FBXL12: variants seen among roughly 807,000 people sequenced by gnomAD.
The protein encoded by FBXL12 is F-box/LRR-repeat protein 12.
Under a neutral mutation model 24.9 loss-of-function variants are expected in FBXL12, and 22 were observed. The ratio of observed to expected loss-of-function variants is 0.88; its 90% CI spans 0.63 to 1.26. The LOEUF is 1.26. Among genes scored for constraint, FBXL12 ranks in the 50% most tolerant of loss-of-function variants. FBXL12 has a pLI of 0.00. For missense variants in FBXL12, 384 were observed against 434.1 expected, an observed-to-expected ratio of 0.88 and a Z score of 1.03; for synonymous variants, 193 against 193.8, an observed-to-expected ratio of 1.00 and a Z score of 0.03.
Position 9,811,577 on chromosome 19 carries a change from C to G in FBXL12, c.300G>C (p.Lys100Asn). The change falls in exon 3 of 3, where the codon AAG (lysine) becomes AAC (asparagine). Residue 100 changes from lysine to asparagine, a missense_variant. By Grantham distance (94) the Lys-to-Asn change is moderately conservative (BLOSUM62 0). Transcript: ENST00000247977. The surrounding 1 kb of genome is among the most constrained non-coding windows in gnomAD (Gnocchi z 6.0). The part of the protein sequence containing the change: ...SPALLRALGQ[K>N]CPNLKRLCLH... ...GGCAGAGGCGCTTCAGGTTGGGGCA[C>G]TTCTGGCCCAGGGCTCTCAACAGAG... 1.3e-6 allele frequency: 2 copies of G among 1,589,562 alleles called. No individual in the cohort carries two copies. The highest frequency in any genetic ancestry group is 1.1e-5 in the South Asian group (1 of 87,350).
At chr19:9,814,024 CT>C (rs1466167987) in intron 2 of FBXL12, 1 of 152,224 alleles carries the variant, frequency 6.6e-6, no homozygotes, top group African/African-American at 2.4e-5. Context: ...TTACATTTGC[CT>C]TTTATACATG....
chr19:9,818,487 T>G lies in FBXL12; in HGVS notation c.159+58A>C, dbSNP rs1599433376. On this transcript the variant is annotated intron_variant, in intron 2 of 2. Transcript: ENST00000247977. ...CACAGTCCCAGGGTGGGAGAGGTGG[T>G]CTTCGGGGTCCGGGCACCGCGACCG... is the stretch of plus-strand genomic sequence containing the variant. 8 of 1,507,988 alleles carry G rather than the reference T, an allele frequency of 5.3e-6. No homozygotes were observed. In the East Asian group the frequency reaches 2.0e-4, roughly 37 times the overall value. The allele number at this position is 1,507,988 out of a possible 1,614,324, so 93.4% of individuals were successfully genotyped here. A position where few individuals can be genotyped will look rare whatever the true frequency, so the allele number is the denominator to read the frequency against.
chr19:9,818,982 T>TG lies in FBXL12; in HGVS notation c.-170dup, dbSNP rs1464170964. 1.5e-6 allele frequency: 1 copy of TG among 650,776 alleles called. No homozygotes were observed. The highest frequency in any genetic ancestry group is 1.8e-5 in the African/African-American group (1 of 54,642). 40.3% of individuals were successfully genotyped at this position (650,776 alleles called of 1,614,324 possible). On this transcript the variant is annotated 5_prime_UTR_variant, in exon 1 of 3. Transcript: ENST00000247977. ...GTCCCAGGGCCGGACCAGCCGCGGA[T>TG]GGGGACCAGAAACCAGCCTGGAAAG...
At chr19:9,814,220 G>GA (rs2045827677) in intron 2 of FBXL12, 1 of 161,420 alleles carries the variant, frequency 6.2e-6, no homozygotes, top group Non-Finnish European at 1.3e-5. Context: ...GAGAAAATGA[G>GA]AAAGAAGCCC....
intron 2 of FBXL12, chr19:9,813,358 G>A (rs2045803913): frequency 7.5e-6 from 7 of 938,680 alleles, no homozygotes; most frequent in Non-Finnish European, 8.3e-6. Flanking sequence ...TTTTTTTTGA[G>A]ACGGAGTTTT....
chr19:9,810,892 G>T lies in FBXL12; in HGVS notation c.*4C>A, dbSNP rs2045726663. The T allele has an allele frequency of 3.8e-6, 6 of 1,569,266 alleles. No homozygotes were observed. Among genetic ancestry groups the T allele is most frequent in the Non-Finnish European group, 5.2e-6 (6 of 1,148,158 alleles). Reference sequence around the variant, plus strand: ...GGGATGGGTCCCAAGGGCAGGTGGAGTAGTTACATCCACCAGTCCATAGAC... The same window carrying T: ...GGGATGGGTCCCAAGGGCAGGTGGATTAGTTACATCCACCAGTCCATAGAC... On this transcript the variant is annotated 3_prime_UTR_variant, in exon 3 of 3. Coordinates refer to ENST00000247977, the MANE Select transcript of FBXL12 (RefSeq NM_017703.3).
chr19:9,813,369 G>T (rs1405677101), intron 2 of FBXL12: 2 of 799,978 alleles, frequency 2.5e-6, no homozygotes, highest in Non-Finnish European at 3.3e-6. Context: ...ACGGAGTTTT[G>T]CTTGTTGCCC....
In FBXL12 at chr19:9,811,188, A is replaced by C. The variant is rs1216214994; in HGVS notation, c.689T>G (p.Val230Gly). ...CCTCACGGTCAGCCGGATCTTGCGC[A>C]CATCTCGGAGGTGGCGGCTGATGGC... ...LLAISRHLRD[V>G]RKIRLTVRGL... Residue 230 changes from valine to glycine, a missense_variant, in exon 3 of 3, where the codon GTG becomes GGG. Val to Gly is a moderately radical substitution (Grantham distance 109). Transcript: ENST00000247977. This position sits in a 1 kb window ranked among gnomAD's most constrained non-coding sequence, Gnocchi z 6.0. 1 of 1,610,980 alleles carries C rather than the reference A, an allele frequency of 6.2e-7. No individual in the cohort carries two copies. Among genetic ancestry groups the C allele is most frequent in the Admixed American group, 1.7e-5 (1 of 59,876 alleles).
Position 9,810,736 on chromosome 19 carries a change from C to G in FBXL12, c.*160G>C, listed in dbSNP as rs1173049352. ...TGACCAAGGCCACACAGCTGGCAAA[C>G]AGTGATTCCAATGGTCTGGAGGTCC... is the stretch of plus-strand genomic sequence containing the variant. On this transcript the variant is annotated 3_prime_UTR_variant, in exon 3 of 3. Transcript: ENST00000247977. The G allele has an allele frequency of 3.6e-6, 2 of 549,716 alleles. No individual in the cohort carries two copies. The highest frequency in any genetic ancestry group is 9.9e-4 in the Middle Eastern group (2 of 2,012). The allele number at this position is 549,716 out of a possible 1,614,324, so 34.1% of individuals were successfully genotyped here. A position where few individuals can be genotyped will look rare whatever the true frequency, so the allele number is the denominator to read the frequency against.
chr19:9,812,768 A>C (rs1333025288), intron 2 of FBXL12, among the ~76,000 whole-genome samples: 1 of 150,802 alleles, frequency 6.6e-6, no homozygotes, highest in Non-Finnish European at 1.5e-5. Context: ...TTAAAAAAAA[A>C]AAAAAAAAAA....
intron 2 of FBXL12, 162 bp downstream of exon 2, chr19:9,818,383 C>T: frequency 1.4e-6 from 1 of 717,188 alleles, no homozygotes; most frequent in Non-Finnish European, 2.3e-6. Flanking sequence ...GCCCTGAGGT[C>T]GAAGAGGAGC....
rs866154892 is a variant in FBXL12 at position 9,811,203 on chromosome 19, C to T, written c.674G>A (p.Arg225His). The T allele has an allele frequency of 2.5e-6, 4 of 1,612,994 alleles. No homozygotes were observed. The highest frequency in any genetic ancestry group is 3.4e-6 in the Non-Finnish European group (4 of 1,179,452). The part of the protein sequence containing the change: ...SADSTLLAIS[R>H]HLRDVRKIRL... ...GATCTTGCGCACATCTCGGAGGTGG[C>T]GGCTGATGGCCAGCAGGGTGCTGTC... Residue 225 changes from arginine (R) to histidine (H), a missense_variant, in exon 3 of 3, where the codon CGC becomes CAC. Transcript: ENST00000247977. This position sits in a 1 kb window ranked among gnomAD's most constrained non-coding sequence, Gnocchi z 6.0.
intron 2 of FBXL12, 32 bp downstream of exon 2, chr19:9,818,513 C>A (rs1055805834): frequency 1.3e-6 from 2 of 1,532,828 alleles, no homozygotes; most frequent in Admixed American, 3.9e-5. Context: ...ACCGCGACCG[C>A]GGCCCAGGCC....
Position 9,818,829 on chromosome 19 carries a change from C to G in FBXL12, c.-16G>C, listed in dbSNP as rs1042604302. 3 of 1,546,880 alleles carry G rather than the reference C, an allele frequency of 1.9e-6. No individual in the cohort carries two copies. Among genetic ancestry groups the G allele is most frequent in the Admixed American group, 2.0e-5 (1 of 50,888 alleles). ...AAGTCGCCATGATCCCGCCGACACG[C>G]ACTTCCGCTTCCGGTTAAAGAGACC... On this transcript the variant is annotated 5_prime_UTR_variant, in exon 1 of 3. Transcript: ENST00000247977.
chr19:9,815,448 G>A (rs150239935), intron 2 of FBXL12, among the ~76,000 whole-genome samples: 1,726 of 152,228 alleles, frequency 0.011, 24 homozygotes, highest in African/African-American at 0.039. Flanking sequence ...TCTGGAGTCT[G>A]GAGAACAGTG....
At position 9,818,796 on chromosome 19, in the gene FBXL12, T is replaced by A. The variant is rs775521475; in HGVS notation, c.18A>T (p.Glu6Asp). Reference protein sequence around the residue: MATLVELPDSVLLEIF... With the variant: MATLVDLPDSVLLEIF... ...TCTCGAGCAGGACCGAGTCCGGCAGTTCGACCAAAGTCGCCATGATCCCGC... is the reference window on the plus strand; with the variant it reads ...TCTCGAGCAGGACCGAGTCCGGCAGATCGACCAAAGTCGCCATGATCCCGC... Residue 6 changes from glutamate (E) to aspartate (D), a missense_variant, in exon 1 of 3, where the codon GAA becomes GAT. Glu to Asp is a conservative substitution (Grantham distance 45, BLOSUM62 2). Coordinates refer to ENST00000247977, the MANE Select transcript of FBXL12 (RefSeq NM_017703.3). 1 of 1,553,586 alleles carries A rather than the reference T, an allele frequency of 6.4e-7. No individual in the cohort carries two copies. The highest frequency in any genetic ancestry group is 1.2e-5 in the South Asian group (1 of 84,488).
chr19:9,813,483 G>T, intron 2 of FBXL12: 1 of 291,200 alleles, frequency 3.4e-6, no homozygotes. Flanking sequence ...TTACAGGCAT[G>T]TGCCACCATG....
At position 9,811,608 on chromosome 19, in the gene FBXL12, G is replaced by A. The variant is rs2145365094; in HGVS notation, c.269C>T (p.Ser90Phe). Residue 90 changes from serine to phenylalanine, a missense_variant, in exon 3 of 3, where the codon TCC becomes TTC. Physicochemically the swap from Ser to Phe is radical, Grantham distance 155. Coordinates refer to ENST00000247977, the MANE Select transcript of FBXL12 (RefSeq NM_017703.3). This position sits in a 1 kb window ranked among gnomAD's most constrained non-coding sequence, Gnocchi z 6.0. ...LFSGSQAPQLSPALLRALGQK... is the reference protein window; with the variant it reads ...LFSGSQAPQLFPALLRALGQK... The stretch of plus-strand genomic sequence containing the variant: ...GCCCAGGGCTCTCAACAGAGCAGGG[G>A]ACAACTGGGGGGCCTGGGAGCCAGA... 1.3e-6 allele frequency: 2 copies of A among 1,544,180 alleles called. No individual in the cohort carries two copies. The highest frequency in any genetic ancestry group is 1.8e-4 in the Middle Eastern group (1 of 5,690).
Position 9,818,745 on chromosome 19 carries a change from G to C in FBXL12, c.69C>G (p.Asp23Glu), listed in dbSNP as rs1441306394. Residue 23 changes from aspartate to glutamate, a missense_variant, in exon 1 of 3, where the codon GAC (aspartate) becomes GAG (glutamate). Physicochemically the swap from Asp to Glu is conservative, Grantham distance 45. Transcript: ENST00000247977. ...LEIFSYLPVRDRIRISRVCHR... is the reference protein window; with the variant it reads ...LEIFSYLPVRERIRISRVCHR... ...GGCCGCACCTGGAGATGCGGATCCG[G>C]TCCCGTACCGGGAGGTAAGAGAAGA... 4 of 1,550,512 alleles carry C rather than the reference G, an allele frequency of 2.6e-6. No homozygotes were observed. The African/African-American group carries it at 5.4e-5, about 21-fold the overall frequency.
Sources: allele counts gnomAD v4.1 joint callset (sites outside exome capture counted in the v4.1 genomes callset), GRCh38; gene constraint gnomAD v4.1.1; non-coding constraint Gnocchi (gnomAD v3.1); transcripts MANE v1.5; gene names NCBI Gene and HGNC (gene_info 2026-07-23, HGNC 2026-07-21).